Variants in PMP22 observed in about 807,000 individuals in gnomAD.
The protein encoded by PMP22 is peripheral myelin protein 22.
Under a neutral mutation model 18.9 loss-of-function variants are expected in PMP22, and 2 were observed. The observed-to-expected ratio is 0.11, with a 90% CI of 0.04 to 0.33. The LOEUF (loss-of-function observed/expected upper bound fraction) is 0.33. PMP22 is among the 10% of genes least tolerant of loss of function. The pLI, the probability that PMP22 is intolerant of heterozygous loss-of-function variation, is 1.00. For missense variants in PMP22, 169 were observed against 202.2 expected, an observed-to-expected ratio of 0.84 and a Z score of 1.00; for synonymous variants, 95 against 89.2, an observed-to-expected ratio of 1.07 and a Z score of -0.37.
intron 3 of PMP22, among the ~76,000 whole-genome samples, chr17:15,247,063 G>A (rs1463947238): frequency 2.2e-5 from 1 of 46,184 alleles, no homozygotes; most frequent in Non-Finnish European, 3.5e-5. Context: ...AGCAAGACTC[G>A]TCTCAAAAAA....
intron 3 of PMP22, among the ~76,000 whole-genome samples, chr17:15,244,769 A>T (rs1406306809): frequency 6.6e-6 from 1 of 152,240 alleles, no homozygotes; most frequent in Non-Finnish European, 1.5e-5. Context: ...GTAGAGAAAG[A>T]GCCAAAGTTG....
intron 2 of PMP22, chr17:15,260,196 C>T: frequency 3.9e-6 from 1 of 254,044 alleles, no homozygotes; most frequent in South Asian, 4.9e-5. Flanking sequence ...CGACATGGGA[C>T]CTGTGAACTC....
chr17:15,259,411 A>T (rs1909116040), intron 2 of PMP22, among the ~76,000 whole-genome samples: 1 of 152,146 alleles, frequency 6.6e-6, no homozygotes, highest in South Asian at 2.1e-4. Flanking sequence ...AGAGATGTTT[A>T]CTATAGTAGA....
At chr17:15,233,443 C>T (rs574665638) in intron 4 of PMP22, among the ~76,000 whole-genome samples, 2 of 152,342 alleles carry the variant, frequency 1.3e-5, no homozygotes, top group African/African-American at 4.8e-5. Flanking sequence ...CAACTTCCTG[C>T]AAGTTCTGCC....
Position 15,260,686 on chromosome 17 carries a change from C to G in PMP22, c.42G>C (p.Ala14=), listed in dbSNP as rs1555568786. Residue 14 remains alanine (A), a synonymous_variant, in exon 2 of 5, where the codon GCG becomes GCC. Transcript: ENST00000312280. ...TGGAGACGAACAGCAGCACCAGCAC[C>G]GCGACGTGGAGGACGATGATACTCA... ...LLLSIIVLHV[A]VLVLLFVSTI... is the part of the protein sequence containing the mutation. The G allele has an allele frequency of 6.4e-7, 1 of 1,553,588 alleles. No homozygotes were observed. The highest frequency in any genetic ancestry group is 8.7e-7 in the Non-Finnish European group (1 of 1,148,004).
At chr17:15,233,673 GCT>G (rs1906548912) in intron 4 of PMP22, among the ~76,000 whole-genome samples, 1 of 152,196 alleles carries the variant, frequency 6.6e-6, no homozygotes, top group Non-Finnish European at 1.5e-5. Context: ...TCTAGCTGCT[GCT>G]CTAGATGTAC....
chr17:15,242,251 C>CAAAAAAAAAAA (rs59075019), intron 3 of PMP22, among the ~76,000 whole-genome samples: 2 of 54,778 alleles, frequency 3.7e-5, no homozygotes, highest in African/African-American at 6.7e-5. Context: ...GACTCTGTCT[C>CAAAAAAAAAAA]AAAAAAAAAA....
chr17:15,255,787 A>G (rs1213682756), intron 3 of PMP22, among the ~76,000 whole-genome samples: 1 of 152,134 alleles, frequency 6.6e-6, no homozygotes, highest in Non-Finnish European at 1.5e-5. Flanking sequence ...AGGATGGATC[A>G]GATTCTACCT....
At chr17:15,249,461 G>C (rs1012181573) in intron 3 of PMP22, among the ~76,000 whole-genome samples, 3 of 152,206 alleles carry the variant, frequency 2.0e-5, no homozygotes, top group African/African-American at 7.2e-5. Flanking sequence ...GGGGTGCAGA[G>C]AAGTCAATGA....
intron 4 of PMP22, among the ~76,000 whole-genome samples, chr17:15,231,429 G>C (rs1208555443): frequency 6.6e-6 from 1 of 152,150 alleles, no homozygotes; most frequent in African/African-American, 2.4e-5. Flanking sequence ...CTTTCCAAGG[G>C]TGGTTGGGTA....
At chr17:15,239,656 G>C in intron 3 of PMP22, 45 bp from the exon 4 acceptor site, 1 of 1,610,262 alleles carries the variant, frequency 6.2e-7, no homozygotes, top group Non-Finnish European at 8.5e-7. Context: ...CCATGGCCGG[G>C]GGAGGGCTCT....
chr17:15,247,149 C>T (rs1331723617), intron 3 of PMP22, among the ~76,000 whole-genome samples: 4 of 138,774 alleles, frequency 2.9e-5, no homozygotes, highest in South Asian at 2.4e-4. Flanking sequence ...GCGGGTGGAT[C>T]ACGAGGTCAG....
intron 4 of PMP22, among the ~76,000 whole-genome samples, chr17:15,235,603 A>T (rs1906729923): frequency 6.6e-6 from 1 of 152,116 alleles, no homozygotes; most frequent in Non-Finnish European, 1.5e-5. Context: ...ATCCTAGAAA[A>T]CCTTACAGTG....
chr17:15,253,439 C>T (rs3785646), intron 3 of PMP22, among the ~76,000 whole-genome samples: 17,503 of 152,016 alleles, frequency 0.12, 1,527 homozygotes, highest in African/African-American at 0.24. Context: ...GAAAATATAC[C>T]GATGCATTTC....
chr17:15,257,306 T>A (rs1248276777), intron 3 of PMP22, among the ~76,000 whole-genome samples: 1 of 152,266 alleles, frequency 6.6e-6, no homozygotes, highest in African/African-American at 2.4e-5. Context: ...TATTGCTTTC[T>A]TTCCTGCAGA....
intron 2 of PMP22, chr17:15,260,373 T>C: frequency 1.9e-6 from 1 of 513,306 alleles, no homozygotes; most frequent in Non-Finnish European, 3.5e-6. Flanking sequence ...TCTTGTCAAA[T>C]GAAGGTCGGG....
chr17:15,259,272 G>T, intron 2 of PMP22, 79 bp from the exon 3 acceptor site: 1 of 1,217,284 alleles, frequency 8.2e-7, no homozygotes, highest in Non-Finnish European at 1.2e-6. Context: ...AAGGCCCAGG[G>T]ATGGCGAAAA....
chr17:15,237,842 A>T (rs1008918979), intron 4 of PMP22, among the ~76,000 whole-genome samples: 3 of 152,202 alleles, frequency 2.0e-5, no homozygotes, highest in Admixed American at 6.5e-5. Context: ...CATCTCACAC[A>T]TGGGCATGAA....
chr17:15,234,638 T>G (rs2150669410), intron 4 of PMP22, among the ~76,000 whole-genome samples: 1 of 152,314 alleles, frequency 6.6e-6, no homozygotes, highest in African/African-American at 2.4e-5. Context: ...AAATGACCAT[T>G]GCTGCCTAGA....
Sources: allele counts gnomAD v4.1 joint callset (sites outside exome capture counted in the v4.1 genomes callset), GRCh38; gene constraint gnomAD v4.1.1; transcripts MANE v1.5; gene names NCBI Gene and HGNC (gene_info 2026-07-23, HGNC 2026-07-21).